Variants in NBEA observed in about 807,000 individuals in gnomAD.
NBEA encodes lysosomal-trafficking regulator 2.
In NBEA, 44 loss-of-function variants were observed where a neutral mutation model predicts 343.4. That is an observed-to-expected ratio of 0.13 (90% confidence interval 0.10 to 0.16). NBEA has a LOEUF of 0.16. NBEA is among the 10% of genes least tolerant of loss of function. The pLI is 1.00. For missense variants in NBEA, 2,555 were observed against 3,631.3 expected (o/e 0.70, Z 7.62); for synonymous variants, 1,175 against 1,238.7 (o/e 0.95, Z 1.08).
chr13:35,299,263 T>A (rs1459590473), intron 35 of NBEA, among the ~76,000 whole-genome samples: 1 of 152,184 alleles, frequency 6.6e-6, no homozygotes, highest in Non-Finnish European at 1.5e-5. Context: ...AATTTTTTTA[T>A]ATATTCAAAA....
intron 1 of NBEA, among the ~76,000 whole-genome samples, chr13:34,996,935 A>G (rs1017629521): frequency 5.3e-5 from 8 of 152,104 alleles, no homozygotes; most frequent in Non-Finnish European, 1.0e-4. Flanking sequence ...TGTTAAATCT[A>G]TTATTTATGT....
intron 1 of NBEA, among the ~76,000 whole-genome samples, chr13:35,031,763 C>T (rs1365044949): frequency 6.6e-6 from 1 of 151,420 alleles, no homozygotes; most frequent in African/African-American, 2.4e-5. Flanking sequence ...AAGCCCAGTA[C>T]CCAATAGTTA....
chr13:35,235,644 G>T (rs1375152426), intron 34 of NBEA, among the ~76,000 whole-genome samples: 1 of 152,166 alleles, frequency 6.6e-6, no homozygotes, highest in African/African-American at 2.4e-5. Flanking sequence ...TATGTTAACT[G>T]CTCTGTATTG....
At chr13:35,571,800 A>T (rs2080439345) in intron 45 of NBEA, among the ~76,000 whole-genome samples, 1 of 152,208 alleles carries the variant, frequency 6.6e-6, no homozygotes, top group Non-Finnish European at 1.5e-5. Flanking sequence ...TTATCAAATT[A>T]TCAAAACTGT....
intron 41 of NBEA, among the ~76,000 whole-genome samples, chr13:35,486,045 T>C (rs902770562): frequency 9.4e-5 from 14 of 149,270 alleles, no homozygotes; most frequent in African/African-American, 3.4e-4. Context: ...TGATGAAATT[T>C]TGAGGGAAAA....
At chr13:35,369,972 T>G (rs534480917) in intron 38 of NBEA, among the ~76,000 whole-genome samples, 1 of 151,992 alleles carries the variant, frequency 6.6e-6, no homozygotes, top group African/African-American at 2.4e-5. Context: ...GAATGTTCCA[T>G]GTACTGATCA....
intron 4 of NBEA, 84 bp from the exon 5 acceptor site, chr13:35,048,479 T>G: frequency 4.8e-6 from 6 of 1,247,676 alleles, no homozygotes; most frequent in Non-Finnish European, 6.6e-6. Context: ...GATTGTTATT[T>G]AATCTGCAAA....
intron 41 of NBEA, among the ~76,000 whole-genome samples, chr13:35,505,994 C>G (rs1038967914): frequency 2.3e-4 from 35 of 152,150 alleles, no homozygotes; most frequent in African/African-American, 8.4e-4. Flanking sequence ...CCTTTAATCA[C>G]TTAACACCAG....
chr13:35,425,234 A>C (rs1317553531), intron 38 of NBEA, among the ~76,000 whole-genome samples: 1 of 151,680 alleles, frequency 6.6e-6, no homozygotes, highest in Non-Finnish European at 1.5e-5. Flanking sequence ...TTTAATTGTG[A>C]TGTTAGGGTG....
At chr13:35,557,045 G>A (rs73498944) in intron 44 of NBEA, among the ~76,000 whole-genome samples, 1,777 of 151,948 alleles carry the variant, frequency 0.012, 41 homozygotes, top group African/African-American at 0.041. Context: ...TTTTCCCTTG[G>A]CTGTGCTAGC....
chr13:35,445,611 A>G (rs764611701), intron 39 of NBEA, among the ~76,000 whole-genome samples: 6 of 151,726 alleles, frequency 4.0e-5, no homozygotes, highest in Non-Finnish European at 5.9e-5. Flanking sequence ...ACTAATGTGC[A>G]TGTAAAATGA....
intron 44 of NBEA, among the ~76,000 whole-genome samples, chr13:35,563,827 T>TACG (rs1491346696): frequency 1.9e-4 from 29 of 151,930 alleles, no homozygotes; most frequent in African/African-American, 7.0e-4. Context: ...TGTGTGTGTA[T>TACG]TTTTAAATAA....
At chr13:35,230,264 G>A (rs187035147) in intron 33 of NBEA, among the ~76,000 whole-genome samples, 201 of 152,034 alleles carry the variant, frequency 1.3e-3, no homozygotes, top group African/African-American at 4.7e-3. Flanking sequence ...GTTCTATTTT[G>A]TATTTAACTT....
At chr13:35,524,857 C>A (rs1190965367) in intron 41 of NBEA, among the ~76,000 whole-genome samples, 1 of 152,124 alleles carries the variant, frequency 6.6e-6, no homozygotes, top group Non-Finnish European at 1.5e-5. Context: ...TGTCAGCACA[C>A]AAGGTATTGC....
At chr13:35,434,171 G>C (rs1481356873) in intron 39 of NBEA, among the ~76,000 whole-genome samples, 1 of 151,910 alleles carries the variant, frequency 6.6e-6, no homozygotes, top group Non-Finnish European at 1.5e-5. Context: ...TAATAAACCA[G>C]TGTCAAAGCC....
At chr13:35,559,535 A>G (rs1343335640) in intron 44 of NBEA, among the ~76,000 whole-genome samples, 1 of 152,180 alleles carries the variant, frequency 6.6e-6, no homozygotes, top group Non-Finnish European at 1.5e-5. Context: ...ATATTTTGTC[A>G]TAATATGTTT....
In NBEA at chr13:35,459,118, C is replaced by T. The variant is rs1024165073; in HGVS notation, c.6448+6883C>T. On this transcript the variant is annotated intron_variant, in intron 40 of 58. Coordinates refer to ENST00000379939, the MANE Select transcript of NBEA (RefSeq NM_001385012.1). ...GAAAAATACAGAAGGAGGAGATCTA[C>T]TAAAAGGCTCTCTGAAGTGCCAGTC... Among the ~76,000 whole-genome samples, 6 of 149,644 alleles carry T rather than the reference C, an allele frequency of 4.0e-5. No individual in the cohort carries two copies. In the South Asian group the frequency reaches 1.3e-3, roughly 32 times the overall value.
At chr13:35,420,117 T>A (rs1291430668) in intron 38 of NBEA, among the ~76,000 whole-genome samples, 4 of 152,006 alleles carry the variant, frequency 2.6e-5, no homozygotes, top group African/African-American at 4.8e-5. Context: ...TCTTATTTCC[T>A]CTCTTTTGCC....
intron 46 of NBEA, among the ~76,000 whole-genome samples, chr13:35,592,496 G>T (rs2081582755): frequency 6.6e-6 from 1 of 152,120 alleles, no homozygotes; most frequent in Non-Finnish European, 1.5e-5. Flanking sequence ...GAGAGCCGTG[G>T]TAGCGCAAGG....
Sources: gnomAD v4.1 joint callset for allele counts (sites outside exome capture counted in the v4.1 genomes callset) on GRCh38, gnomAD v4.1.1 for gene constraint, MANE v1.5 for transcripts, NCBI Gene and HGNC (gene_info 2026-07-23, HGNC 2026-07-21) for gene names.